The following ADARB2 variants were observed in gnomAD, a reference collection of about 807,000 sequenced individuals.
ADARB2 encodes inactive double-stranded RNA-specific editase B2.
Under a neutral mutation model 62.2 loss-of-function variants are expected in ADARB2, and 25 were observed. That is an observed-to-expected ratio of 0.40 (90% CI 0.29 to 0.56). ADARB2 has a LOEUF of 0.56. ADARB2 is among the 20% of genes least tolerant of loss of function. The probability of loss-of-function intolerance (pLI) is 0.43; values close to 1 mark genes in which losing one functional copy is unlikely to be tolerated. For missense variants in ADARB2, 1,071 were observed against 1,077.4 expected, an observed-to-expected ratio of 0.99 and a Z score of 0.08; for synonymous variants, 572 against 500.8, an observed-to-expected ratio of 1.14 and a Z score of -1.90.
intron 4 of ADARB2, among the ~76,000 whole-genome samples, chr10:1,251,899 G>A (rs1831040667): frequency 6.6e-6 from 1 of 152,174 alleles, no homozygotes; most frequent in Admixed American, 6.5e-5. Context: ...CCATCCTGGA[G>A]GCAGAGTGCA....
At chr10:1,191,276 C>G (rs1166082985) in intron 8 of ADARB2, among the ~76,000 whole-genome samples, 1 of 152,214 alleles carries the variant, frequency 6.6e-6, no homozygotes, top group Non-Finnish European at 1.5e-5. Context: ...CAGGGCTGCC[C>G]AGAGAGCAGT....
At chr10:1,397,021 A>C (rs71491376) in intron 1 of ADARB2, among the ~76,000 whole-genome samples, 2 of 10,936 alleles carry the variant, frequency 1.8e-4, no homozygotes, top group South Asian at 5.2e-3. Context: ...GGTCACCATC[A>C]GCCTCTCCCC....
At chr10:1,225,403 C>A (rs1396622312) in intron 6 of ADARB2, among the ~76,000 whole-genome samples, 2 of 152,042 alleles carry the variant, frequency 1.3e-5, no homozygotes, top group Non-Finnish European at 2.9e-5. Flanking sequence ...AGCATTTAGC[C>A]CATTTACATT....
intron 1 of ADARB2, among the ~76,000 whole-genome samples, chr10:1,560,739 T>G (rs571541661): frequency 6.6e-6 from 1 of 152,260 alleles, no homozygotes; most frequent in African/African-American, 2.4e-5. Flanking sequence ...GCCGAGGATG[T>G]CGGAGCAGAC....
At chr10:1,212,070 C>T (rs550216823) in intron 7 of ADARB2, among the ~76,000 whole-genome samples, 22 of 152,322 alleles carry the variant, frequency 1.4e-4, no homozygotes, top group South Asian at 4.1e-4. Flanking sequence ...GCTTCACAGA[C>T]GGTGACTTCC....
In ADARB2 at chr10:1,586,607, T is replaced by C. The variant is rs1833184141; in HGVS notation, c.100+150444A>G. Among the ~76,000 whole-genome samples, 5 of 152,340 alleles carry C rather than the reference T, an allele frequency of 3.3e-5. No homozygotes were observed. In the South Asian group the frequency reaches 1.0e-3, roughly 32 times the overall value. ...CTCACCTTACTCAATCAGGTGATGGTTAGATCTTTCTCAACACCTTTTTCT... is the reference window on the plus strand; with the variant it reads ...CTCACCTTACTCAATCAGGTGATGGCTAGATCTTTCTCAACACCTTTTTCT... On this transcript the variant is annotated intron_variant, in intron 1 of 9. Coordinates refer to ENST00000381312, the MANE Select transcript of ADARB2 (RefSeq NM_018702.4).
chr10:1,210,855 C>CGTGGTGTA (rs1015905213), intron 7 of ADARB2, among the ~76,000 whole-genome samples: 1 of 152,094 alleles, frequency 6.6e-6, no homozygotes, highest in Non-Finnish European at 1.5e-5. Context: ...GGGGCCTCCC[C>CGTGGTGTA]GTGGTGTAGA....
chr10:1,534,730 G>A (rs1198308543), intron 1 of ADARB2: 1 of 165,690 alleles, frequency 6.0e-6, no homozygotes, highest in Non-Finnish European at 1.5e-5. Context: ...GAAGTGGCTG[G>A]AGAGGTGTCC....
At chr10:1,591,659 G>A (rs4880884) in intron 1 of ADARB2, among the ~76,000 whole-genome samples, 51,199 of 122,660 alleles carry the variant, frequency 0.42, 9,453 homozygotes, top group South Asian at 0.62. Context: ...AGGCGTGCAC[G>A]CACACACACA....
intron 1 of ADARB2, among the ~76,000 whole-genome samples, chr10:1,501,784 A>G (rs548938127): frequency 2.0e-5 from 3 of 152,332 alleles, no homozygotes; most frequent in Non-Finnish European, 4.4e-5. Flanking sequence ...TGGGCATTTC[A>G]GGAGGATTAG....
At chr10:1,462,110 C>T (rs545834486) in intron 1 of ADARB2, among the ~76,000 whole-genome samples, 44 of 152,312 alleles carry the variant, frequency 2.9e-4, no homozygotes, top group African/African-American at 1.0e-3. Flanking sequence ...AGCTTCTCTG[C>T]CCCTCTTGGC....
chr10:1,227,739 A>C (rs1830761439), intron 6 of ADARB2, among the ~76,000 whole-genome samples: 1 of 152,266 alleles, frequency 6.6e-6, no homozygotes, highest in South Asian at 2.1e-4. Flanking sequence ...AGAGCACCAA[A>C]AATGAAACAA....
chr10:1,197,832 G>T (rs1589148749), intron 8 of ADARB2, among the ~76,000 whole-genome samples: 1 of 152,282 alleles, frequency 6.6e-6, no homozygotes, highest in South Asian at 2.1e-4. Context: ...TAAAAATTTA[G>T]CCTTGATGTT....
chr10:1,376,938 T>C (rs1373513684), intron 2 of ADARB2, among the ~76,000 whole-genome samples: 3 of 143,742 alleles, frequency 2.1e-5, no homozygotes, highest in Non-Finnish European at 3.0e-5. Context: ...TCCTGGGGTG[T>C]GTGTGCGCTC....
At chr10:1,481,740 C>A (rs1173294369) in intron 1 of ADARB2, among the ~76,000 whole-genome samples, 2 of 151,742 alleles carry the variant, frequency 1.3e-5, no homozygotes, top group Non-Finnish European at 2.9e-5. Context: ...GCCTGTAATC[C>A]CAGCTACTCA....
chr10:1,591,205 G>A (rs999563596), intron 1 of ADARB2, among the ~76,000 whole-genome samples: 25 of 152,310 alleles, frequency 1.6e-4, no homozygotes, highest in African/African-American at 6.0e-4. Flanking sequence ...ATGGGTGTGG[G>A]TGGGAGAAGC....
intron 1 of ADARB2, among the ~76,000 whole-genome samples, chr10:1,656,267 G>A (rs1309914837): frequency 6.6e-6 from 1 of 152,194 alleles, no homozygotes; most frequent in Non-Finnish European, 1.5e-5. Flanking sequence ...AACAATGTAT[G>A]CTCATCTGGG....
intron 1 of ADARB2, among the ~76,000 whole-genome samples, chr10:1,444,905 A>T (rs1324525305): frequency 7.0e-6 from 1 of 143,604 alleles, no homozygotes; most frequent in African/African-American, 2.6e-5. Context: ...CCATCCACTG[A>T]CCATCCGTCT....
intron 1 of ADARB2, among the ~76,000 whole-genome samples, chr10:1,642,949 C>T (rs771504604): frequency 2.6e-5 from 4 of 152,244 alleles, no homozygotes; most frequent in Non-Finnish European, 5.9e-5. Context: ...CGGCCCCCTC[C>T]TAATTAGCAA....
Sources: allele counts gnomAD v4.1 joint callset (sites outside exome capture counted in the v4.1 genomes callset), GRCh38; gene constraint gnomAD v4.1.1; transcripts MANE v1.5; gene names NCBI Gene and HGNC (gene_info 2026-07-23, HGNC 2026-07-21).